Variants in MOGAT2 observed in about 807,000 individuals in gnomAD.
MOGAT2 encodes monoacylglycerol O-acyltransferase 2, also known as 2-acylglycerol O-acyltransferase 2.
A neutral mutation model predicts 31.5 loss-of-function variants in MOGAT2; 27 were observed. The observed-to-expected ratio is 0.86, with a 90% CI of 0.63 to 1.18. The LOEUF is 1.18. Among genes scored for constraint, MOGAT2 ranks in the 50% most tolerant of loss-of-function variants. MOGAT2 has a pLI of 0.00. For synonymous variants in MOGAT2, 163 were observed against 170.0 expected, an observed-to-expected ratio of 0.96 and a Z score of 0.32; for missense variants, 436 against 433.2, an observed-to-expected ratio of 1.01 and a Z score of -0.06.
intron 2 of MOGAT2, among the ~76,000 whole-genome samples, chr11:75,723,034 T>C (rs1380249487): frequency 6.6e-6 from 1 of 152,200 alleles, no homozygotes; most frequent in African/African-American, 2.4e-5. Context: ...TGATCTCGGC[T>C]CACTGCAACC....
rs368085657 is a variant in MOGAT2 at position 75,732,461 on chromosome 11, C to G, written c.*1175C>G. On this transcript the variant is annotated 3_prime_UTR_variant, in exon 6 of 6. Coordinates refer to ENST00000198801, the MANE Select transcript of MOGAT2 (RefSeq NM_025098.4). ...GGCAGAGTGGATCTGGAGGGGTCAA[C>G]GGAAGACGGAACATGTCCACTTCCA... 6.6e-6 allele frequency: 1 copy of G among 152,336 alleles called. No individual in the cohort carries two copies. Among genetic ancestry groups the G allele is most frequent in the Non-Finnish European group, 1.5e-5 (1 of 68,074 alleles). The allele number at this position is 152,336 out of a possible 1,614,324, so 9.4% of individuals were successfully genotyped here. A position where few individuals can be genotyped will look rare whatever the true frequency, so the allele number is the denominator to read the frequency against.
intron 1 of MOGAT2, among the ~76,000 whole-genome samples, chr11:75,718,977 T>TCG (rs1944353445): frequency 6.6e-6 from 1 of 150,580 alleles, no homozygotes; most frequent in Non-Finnish European, 1.5e-5. Flanking sequence ...TCTCTCTCTC[T>TCG]CTCTCACACA....
intron 2 of MOGAT2, 102 bp downstream of exon 2, chr11:75,720,272 T>C (rs2135731127): frequency 7.6e-7 from 1 of 1,323,860 alleles, no homozygotes; most frequent in East Asian, 2.3e-5. Flanking sequence ...CTGCATGCAC[T>C]GAGGAGGGTA....
At chr11:75,731,082 C>T (rs138318613) in intron 5 of MOGAT2, 50 bp from the exon 6 acceptor site, 81 of 1,566,702 alleles carry the variant, frequency 5.2e-5, no homozygotes, top group African/African-American at 4.9e-4. Context: ...GCACCTGCAC[C>T]GAGGGTCCCT....
chr11:75,730,074 T>C (rs957383920), intron 5 of MOGAT2, among the ~76,000 whole-genome samples: 2 of 152,154 alleles, frequency 1.3e-5, no homozygotes, highest in African/African-American at 4.8e-5. Context: ...AGTAGTCCAT[T>C]CATGTCATCT....
At chr11:75,730,143 T>A (rs2049365162) in intron 5 of MOGAT2, among the ~76,000 whole-genome samples, 1 of 152,210 alleles carries the variant, frequency 6.6e-6, no homozygotes, top group African/African-American at 2.4e-5. Context: ...TGAACTCCCC[T>A]GTGTTGTGTA....
chr11:75,728,037 G>C lies in MOGAT2; in HGVS notation c.543G>C (p.Leu181=). The change falls in exon 4 of 6, where the codon CTG becomes CTC. Residue 181 remains leucine, a synonymous_variant. Coordinates refer to ENST00000198801, the MANE Select transcript of MOGAT2 (RefSeq NM_025098.4). ...ILNRKGGGNL[L]GIIVGGAQEA... is the part of the protein sequence containing the mutation. ...ACAGGAAGGGTGGCGGAAACTTGCTGGGCATCATTGTAGGGGGTGCCCAGG... is the reference window on the plus strand; with the variant it reads ...ACAGGAAGGGTGGCGGAAACTTGCTCGGCATCATTGTAGGGGGTGCCCAGG... 1.2e-6 allele frequency: 2 copies of C among 1,614,010 alleles called. No homozygotes were observed. The highest frequency in any genetic ancestry group is 1.7e-6 in the Non-Finnish European group (2 of 1,179,950).
rs553420287 is a variant in MOGAT2 at position 75,731,522 on chromosome 11, C to A, written c.*236C>A. 2.2e-5 allele frequency: 10 copies of A among 460,930 alleles called. No individual in the cohort carries two copies. The African/African-American group carries it at 2.4e-4, about 11-fold the overall frequency. The allele number at this position is 460,930 out of a possible 1,614,324, so 28.6% of individuals were successfully genotyped here. A position where few individuals can be genotyped will look rare whatever the true frequency, so the allele number is the denominator to read the frequency against. On this transcript the variant is annotated 3_prime_UTR_variant, in exon 6 of 6. Coordinates refer to ENST00000198801, the MANE Select transcript of MOGAT2 (RefSeq NM_025098.4). ...GGCTGGGCCTCTCTTTGCACATGGA[C>A]ACTGGGCCCCTCTCTATATTGAGTG... is the stretch of plus-strand genomic sequence containing the variant.
chr11:75,729,388 C>A (rs1565302219), intron 5 of MOGAT2, among the ~76,000 whole-genome samples: 1 of 152,136 alleles, frequency 6.6e-6, no homozygotes, highest in East Asian at 1.9e-4. Flanking sequence ...GATTCTCATG[C>A]CTCAGCCTCC....
chr11:75,724,330 C>T (rs568288418), intron 2 of MOGAT2, among the ~76,000 whole-genome samples: 1 of 152,298 alleles, frequency 6.6e-6, no homozygotes, highest in East Asian at 1.9e-4. Context: ...GTAATCTTCA[C>T]AGGGATGTTG....
intron 5 of MOGAT2, among the ~76,000 whole-genome samples, chr11:75,729,863 A>G (rs569417958): frequency 4.3e-4 from 65 of 150,186 alleles, no homozygotes; most frequent in African/African-American, 1.5e-3. Context: ...TCCTGCCTCA[A>G]CTTCCAGAGT....
chr11:75,717,997 G>A lies in MOGAT2; in HGVS notation c.91+18G>A. 1.9e-6 allele frequency: 3 copies of A among 1,612,298 alleles called. No individual in the cohort carries two copies. Among genetic ancestry groups the A allele is most frequent in the East Asian group, 2.2e-5 (1 of 44,866 alleles). On this transcript the variant is annotated intron_variant, in intron 1 of 5. Coordinates refer to ENST00000198801, the MANE Select transcript of MOGAT2 (RefSeq NM_025098.4). The stretch of plus-strand genomic sequence containing the variant: ...GGCACTGGGTAAGTTGGGCTGCACT[G>A]TAAGACGGGAGACCACCGCACTCAG...
chr11:75,724,184 G>A (rs1944399841), intron 2 of MOGAT2, among the ~76,000 whole-genome samples: 2 of 152,140 alleles, frequency 1.3e-5, no homozygotes, highest in Non-Finnish European at 2.9e-5. Context: ...TTGGGGTCAG[G>A]GAGCCTTCCT....
Position 75,731,546 on chromosome 11 carries a change from T to C in MOGAT2, c.*260T>C. The C allele has an allele frequency of 2.7e-6, 1 of 374,670 alleles. No individual in the cohort carries two copies. Among genetic ancestry groups the C allele is most frequent in the South Asian group, 4.0e-5 (1 of 25,028 alleles). 23.2% of individuals were successfully genotyped at this position (374,670 alleles called of 1,614,324 possible). A position where few individuals can be genotyped will look rare whatever the true frequency, so the allele number is the denominator to read the frequency against. On this transcript the variant is annotated 3_prime_UTR_variant, in exon 6 of 6. Transcript: ENST00000198801. ...ACACTGGGCCCCTCTCTATATTGAG[T>C]GGTCTGTTAACATTCATTGGTGGCT...
chr11:75,718,349 C>A (rs1156980350), intron 1 of MOGAT2, among the ~76,000 whole-genome samples: 1 of 152,164 alleles, frequency 6.6e-6, no homozygotes, highest in Non-Finnish European at 1.5e-5. Context: ...AGATTTCCTT[C>A]TGTGCGCTCA....
At chr11:75,727,900 A>G in intron 3 of MOGAT2, 70 bp from the exon 4 acceptor site, 1 of 1,459,454 alleles carries the variant, frequency 6.9e-7, no homozygotes. Flanking sequence ...TGATCTCTTT[A>G]TGGGCTACAT....
Position 75,731,401 on chromosome 11 carries a change from C to A in MOGAT2, c.*115C>A. ...GAGCCTTCCCAGACTCCTGCAAATC[C>A]AACCCATATCAGGCTGTAAGTCAGA... On this transcript the variant is annotated 3_prime_UTR_variant, in exon 6 of 6. Transcript: ENST00000198801. The A allele has an allele frequency of 8.2e-7, 1 of 1,216,912 alleles. No homozygotes were observed. Among genetic ancestry groups the A allele is most frequent in the Non-Finnish European group, 1.1e-6 (1 of 882,770 alleles). The allele number at this position is 1,216,912 out of a possible 1,614,324, so 75.4% of individuals were successfully genotyped here.
intron 1 of MOGAT2, among the ~76,000 whole-genome samples, 200 bp downstream of exon 1, chr11:75,718,179 G>A (rs745405072): frequency 6.6e-5 from 10 of 152,214 alleles, no homozygotes; most frequent in Non-Finnish European, 1.3e-4. Context: ...AGAAGTCACC[G>A]TCTGCTGCTC....
chr11:75,727,614 C>A lies in MOGAT2; in HGVS notation c.450C>A (p.Phe150Leu), dbSNP rs750150195. The A allele has an allele frequency of 6.2e-6, 10 of 1,614,136 alleles. No individual in the cohort carries two copies. The East Asian group carries it at 2.0e-4, about 32-fold the overall frequency. The change falls in exon 3 of 6, where the codon TTC becomes TTA. Residue 150 changes from phenylalanine to leucine, a missense_variant. Phe to Leu is a conservative substitution (Grantham distance 22). Transcript: ENST00000198801. ...MMLTLWFRAP[F>L]FRDYIMSAGL... is the part of the protein sequence containing the mutation. ...TGACCTTGTGGTTCCGGGCCCCCTT[C>A]TTCAGAGATTACATCATGTCTGCAG...
Sources: gnomAD v4.1 joint callset for allele counts (sites outside exome capture counted in the v4.1 genomes callset) on GRCh38, gnomAD v4.1.1 for gene constraint, MANE v1.5 for transcripts, NCBI Gene and HGNC (gene_info 2026-07-23, HGNC 2026-07-21) for gene names.